CAPRIN1: variants seen among roughly 807,000 people sequenced by gnomAD.
CAPRIN1 encodes caprin-1.
CAPRIN1 carries 29 observed loss-of-function variants against 100.9 expected under a neutral mutation model. That is an observed-to-expected ratio of 0.29 (90% confidence interval 0.21 to 0.39). The LOEUF (loss-of-function observed/expected upper bound fraction) is 0.39, where lower values mean the gene tolerates loss of function less well. Ranked by LOEUF, CAPRIN1 falls within the 10% of genes least tolerant of loss-of-function variation. The probability of loss-of-function intolerance (pLI) is 1.00; values close to 1 mark genes in which losing one functional copy is unlikely to be tolerated. For missense variants in CAPRIN1, 795 were observed against 876.7 expected (o/e 0.91, Z 1.18); for synonymous variants, 338 against 307.5 (o/e 1.10, Z -1.04).
chr11:34,086,057 A>G lies in CAPRIN1; in HGVS notation c.967-7A>G, dbSNP rs767683678. Reference sequence around the variant, plus strand: ...TATTCCTTCTAATCCTTTTTTTTCTACCTTAGGTGGTAAATTCACTCCAGC... The same window carrying G: ...TATTCCTTCTAATCCTTTTTTTTCTGCCTTAGGTGGTAAATTCACTCCAGC... On this transcript the variant is annotated splice_polypyrimidine_tract_variant and splice_region_variant and intron_variant, in intron 9 of 18. Transcript: ENST00000341394. 6 of 1,610,004 alleles carry G rather than the reference A, an allele frequency of 3.7e-6. No individual in the cohort carries two copies. Among genetic ancestry groups the G allele is most frequent in the Non-Finnish European group, 2.5e-6 (3 of 1,178,888 alleles).
Position 34,079,781 on chromosome 11 carries a change from A to T in CAPRIN1, c.826+16A>T, listed in dbSNP as rs527256253. 1.7e-5 allele frequency: 27 copies of T among 1,602,702 alleles called. No homozygotes were observed. Among genetic ancestry groups the T allele is most frequent in the Middle Eastern group, 3.3e-4 (2 of 6,002 alleles). On this transcript the variant is annotated intron_variant, in intron 7 of 18. Coordinates refer to ENST00000341394, the MANE Select transcript of CAPRIN1 (RefSeq NM_005898.5). The stretch of plus-strand genomic sequence containing the variant: ...CCTGAAGCTGGTGAGTATTAGGTGG[A>T]TATCAACTTTAGTTTAGGGTCCTGG...
In CAPRIN1 at chr11:34,102,448, C is replaced by A. The variant is rs1321036386; in HGVS notation, c.*3081C>A. 6.6e-6 allele frequency among the ~76,000 whole-genome samples: 1 copy of A among 152,188 alleles called. No individual in the cohort carries two copies. The highest frequency in any genetic ancestry group is 6.5e-5 in the Admixed American group (1 of 15,278). ...TCACAGAATCAGTATTGCCCTTGAT[C>A]TTGTCCTTTTTATGGAGTTAACGGG... On this transcript the variant is annotated 3_prime_UTR_variant, in exon 19 of 19. Transcript: ENST00000341394.
chr11:34,097,907 A>G, intron 18 of CAPRIN1, 146 bp downstream of exon 18: 1 of 1,409,592 alleles, frequency 7.1e-7, no homozygotes, highest in Non-Finnish European at 9.3e-7. Flanking sequence ...TGTTTCTAAA[A>G]CTTAATCTTG....
At chr11:34,095,643 G>C (rs1851355308) in intron 15 of CAPRIN1, among the ~76,000 whole-genome samples, 1 of 152,178 alleles carries the variant, frequency 6.6e-6, no homozygotes, top group African/African-American at 2.4e-5. Context: ...GTTAGTGTGT[G>C]GGCCTTCCTT....
chr11:34,095,733 C>T (rs1851357492), intron 15 of CAPRIN1: 1 of 152,066 alleles, frequency 6.6e-6, no homozygotes, highest in Admixed American at 6.5e-5. Flanking sequence ...AAACATTGTT[C>T]TGTAGTATTG....
chr11:34,079,716 A>C lies in CAPRIN1; in HGVS notation c.777A>C (p.Glu259Asp), dbSNP rs1411809368. The change falls in exon 7 of 19, where the codon GAA becomes GAC. Residue 259 changes from glutamate to aspartate, a missense_variant. Around this residue, in one of 3 missense-constraint regions of CAPRIN1, gnomAD observed 648 missense variants for 697.9 expected, o/e 0.93. Coordinates refer to ENST00000341394, the MANE Select transcript of CAPRIN1 (RefSeq NM_005898.5). ...THNHQNGLCE[E>D]EEAASAPAVE... ...ACCACCAGAATGGGCTGTGTGAGGA[A>C]GAAGAGGCAGCCTCAGCACCTGCAG... The C allele has an allele frequency of 1.2e-6, 2 of 1,614,106 alleles. No individual in the cohort carries two copies. Among genetic ancestry groups the C allele is most frequent in the Non-Finnish European group, 1.7e-6 (2 of 1,179,984 alleles).
chr11:34,093,070 A>G (rs1400247906), intron 15 of CAPRIN1, among the ~76,000 whole-genome samples: 6 of 149,010 alleles, frequency 4.0e-5, no homozygotes, highest in South Asian at 2.1e-4. Flanking sequence ...GGAGCTCACT[A>G]TGATGCCAGG....
chr11:34,091,641 C>T (rs942816074), intron 14 of CAPRIN1: 3 of 256,916 alleles, frequency 1.2e-5, no homozygotes, highest in African/African-American at 6.7e-5. Context: ...TCCAAGGCTG[C>T]TGATTGCATG....
At chr11:34,071,292 G>C (rs897693242) in intron 2 of CAPRIN1, among the ~76,000 whole-genome samples, 4 of 152,144 alleles carry the variant, frequency 2.6e-5, no homozygotes, top group Non-Finnish European at 5.9e-5. Flanking sequence ...GGCTGGGCGC[G>C]GTGGCTCATG....
At chr11:34,053,717 G>A (rs2134077724) in intron 2 of CAPRIN1, 1 of 152,174 alleles carries the variant, frequency 6.6e-6, no homozygotes, top group Middle Eastern at 3.4e-3. Flanking sequence ...TGCTTTCATC[G>A]CAGGACAGTG....
chr11:34,090,332 A>AAGTGC, intron 13 of CAPRIN1, 43 bp downstream of exon 13: 1 of 1,358,622 alleles, frequency 7.4e-7, no homozygotes, highest in Non-Finnish European at 1.1e-6. Flanking sequence ...TGAGGCACTT[A>AAGTGC]CTCATGAATT....
intron 2 of CAPRIN1, among the ~76,000 whole-genome samples, chr11:34,058,226 T>A (rs113490631): frequency 0.1 from 15,543 of 152,010 alleles, 860 homozygotes; most frequent in African/African-American, 0.15. Context: ...AACCTCTGCC[T>A]CCTGGGTTCA....
In CAPRIN1 at chr11:34,096,519, A is replaced by G; in HGVS notation, c.1746A>G (p.Gln582=). 1 of 1,613,938 alleles carries G rather than the reference A, an allele frequency of 6.2e-7. No individual in the cohort carries two copies. The highest frequency in any genetic ancestry group is 2.2e-5 in the East Asian group (1 of 44,886). Residue 582 remains glutamine, a synonymous_variant, in exon 16 of 19, where the codon CAA becomes CAG. Transcript: ENST00000341394. ...TYHGSPDQSH[Q]VTGNHQQPPQ... ...ATGGTTCCCCAGACCAGTCCCATCA[A>G]GTGACTGGTAACCACCAGCAGCCTC...
Position 34,100,636 on chromosome 11 carries a change from C to T in CAPRIN1, c.*1269C>T, listed in dbSNP as rs747452776. On this transcript the variant is annotated 3_prime_UTR_variant, in exon 19 of 19. Coordinates refer to ENST00000341394, the MANE Select transcript of CAPRIN1 (RefSeq NM_005898.5). ...AGTACTTGCACTTATTATCTTTTGTCTAATTTAACCTTAACTGAATTCTCC... is the reference window on the plus strand; with the variant it reads ...AGTACTTGCACTTATTATCTTTTGTTTAATTTAACCTTAACTGAATTCTCC... The T allele has an allele frequency of 6.6e-6, 1 of 152,222 alleles. No homozygotes were observed. Among genetic ancestry groups the T allele is most frequent in the Non-Finnish European group, 1.5e-5 (1 of 68,022 alleles). 9.4% of individuals were successfully genotyped at this position (152,222 alleles called of 1,614,324 possible). A position where few individuals can be genotyped will look rare whatever the true frequency, so the allele number is the denominator to read the frequency against.
chr11:34,090,118 GT>G (rs1851233565), intron 12 of CAPRIN1, 60 bp from the exon 13 acceptor site: 9 of 1,046,440 alleles, frequency 8.6e-6, no homozygotes, highest in South Asian at 8.3e-5. Context: ...GAGGTAACTT[GT>G]TTTTTTAACA....
intron 18 of CAPRIN1, chr11:34,098,548 T>C (rs1268116925): frequency 1.0e-6 from 1 of 985,226 alleles, no homozygotes; most frequent in East Asian, 1.1e-4. Context: ...ATGTATAAAA[T>C]GTGTGTTAAG....
At chr11:34,072,136 TG>T in intron 4 of CAPRIN1, 149 bp downstream of exon 4, 1 of 592,214 alleles carries the variant, frequency 1.7e-6, no homozygotes, top group South Asian at 2.3e-5. Flanking sequence ...TAAAGTAAAA[TG>T]TAACACCTGA....
At chr11:34,066,094 C>CT (rs1361165186) in intron 2 of CAPRIN1, among the ~76,000 whole-genome samples, 1 of 152,044 alleles carries the variant, frequency 6.6e-6, no homozygotes, top group Admixed American at 6.6e-5. Flanking sequence ...AGTGATCCTC[C>CT]TACCTGCACC....
At chr11:34,074,927 C>G (rs1478049562) in intron 4 of CAPRIN1, among the ~76,000 whole-genome samples, 2 of 149,850 alleles carry the variant, frequency 1.3e-5, no homozygotes, top group African/African-American at 5.0e-5. Context: ...ACCTGTAATC[C>G]TAGTATTTTA....
Sources: gnomAD v4.1 joint callset for allele counts (sites outside exome capture counted in the v4.1 genomes callset) on GRCh38, gnomAD v4.1.1 for gene constraint, gnomAD v4.1.1 regional missense constraint, MANE v1.5 for transcripts, NCBI Gene and HGNC (gene_info 2026-07-23, HGNC 2026-07-21) for gene names.